PEBP4: variants seen among roughly 807,000 people sequenced by gnomAD.
PEBP4 encodes phosphatidylethanolamine-binding protein 4.
A neutral mutation model predicts 23.9 loss-of-function variants in PEBP4; 22 were observed. The ratio of observed to expected loss-of-function variants is 0.92; its 90% CI spans 0.66 to 1.31. PEBP4 has a LOEUF of 1.31. PEBP4 is among the 40% of genes most tolerant of loss of function. PEBP4 has a pLI of 0.00. For synonymous variants in PEBP4, 112 were observed against 99.3 expected (o/e 1.13, Z -0.76); for missense variants, 324 against 281.7 (o/e 1.15, Z -1.07).
chr8:22,830,147 T>TGTGTGTGTGTGTGTGTGTG (rs1393564112), intron 3 of PEBP4, among the ~76,000 whole-genome samples: 3 of 80,896 alleles, frequency 3.7e-5, no homozygotes, highest in African/African-American at 1.6e-4. Context: ...GTGTGTGTGT[T>TGTGTGTGTGTGTGTGTGTG]TTTACGGAGT....
intron 4 of PEBP4, among the ~76,000 whole-genome samples, chr8:22,764,952 G>C (rs1400243774): frequency 6.6e-6 from 1 of 152,062 alleles, no homozygotes; most frequent in African/African-American, 2.4e-5. Context: ...GAGAGGAGGG[G>C]ATGGACTTCC....
intron 4 of PEBP4, among the ~76,000 whole-genome samples, chr8:22,786,605 T>C (rs1331284899): frequency 6.6e-6 from 1 of 151,922 alleles, no homozygotes; most frequent in East Asian, 1.9e-4. Flanking sequence ...TGAAACCCTG[T>C]CTATTAGTGG....
At chr8:22,839,063 A>G (rs1807267592) in intron 3 of PEBP4, among the ~76,000 whole-genome samples, 1 of 152,222 alleles carries the variant, frequency 6.6e-6, no homozygotes, top group African/African-American at 2.4e-5. Context: ...AAAAAGTGTT[A>G]AAAAATAACA....
chr8:22,916,208 C>T (rs943445249), intron 3 of PEBP4, among the ~76,000 whole-genome samples: 1 of 152,230 alleles, frequency 6.6e-6, no homozygotes, highest in African/African-American at 2.4e-5. Context: ...TTCTGCACTT[C>T]AAAAGGATTC....
chr8:22,922,018 T>C (rs1809212729), intron 2 of PEBP4, among the ~76,000 whole-genome samples: 1 of 152,206 alleles, frequency 6.6e-6, no homozygotes, highest in African/African-American at 2.4e-5. Flanking sequence ...AGTGGAATTG[T>C]TGTAAATATC....
intron 1 of PEBP4, among the ~76,000 whole-genome samples, chr8:22,937,109 G>A (rs967683682): frequency 1.3e-5 from 2 of 152,118 alleles, no homozygotes; most frequent in Admixed American, 6.5e-5. Context: ...AATTATGCAA[G>A]AAAAGAAATA....
chr8:22,931,830 G>C (rs1177649956), upstream of PEBP4, among the ~76,000 whole-genome samples: 1 of 152,120 alleles, frequency 6.6e-6, no homozygotes, highest in Non-Finnish European at 1.5e-5. Context: ...TCTTTCATTT[G>C]ATTCTAAACT....
intron 4 of PEBP4, among the ~76,000 whole-genome samples, chr8:22,782,199 G>C (rs1437044280): frequency 6.6e-6 from 1 of 152,096 alleles, no homozygotes; most frequent in African/African-American, 2.4e-5. Context: ...AGACCAGATG[G>C]GCCCTAATAC....
intron 2 of PEBP4, chr8:22,924,676 T>C (rs999694685): frequency 2.0e-6 from 2 of 985,150 alleles, no homozygotes. Flanking sequence ...CTCCCATCCC[T>C]AGGGGAGCTT....
intron 4 of PEBP4, among the ~76,000 whole-genome samples, chr8:22,787,638 G>C (rs1295591690): frequency 2.0e-5 from 3 of 152,192 alleles, no homozygotes; most frequent in South Asian, 4.1e-4. Context: ...ACACTTGTTG[G>C]GGGTAAGGCC....
chr8:22,806,458 T>C (rs1806495832), intron 4 of PEBP4, among the ~76,000 whole-genome samples: 1 of 151,666 alleles, frequency 6.6e-6, no homozygotes, highest in Admixed American at 6.6e-5. Context: ...CTATAAAAAA[T>C]ACAAAAATTA....
rs1806629685 is a variant in PEBP4 at position 22,811,631 on chromosome 8, C to G, written c.357+6006G>C. Reference sequence around the variant, plus strand: ...TGTCACTTGCAGCCCAGCATCACACCTGGGCTGTGGCCTGGGACGGCTCCA... The same window carrying G: ...TGTCACTTGCAGCCCAGCATCACACGTGGGCTGTGGCCTGGGACGGCTCCA... On this transcript the variant is annotated intron_variant, in intron 4 of 6. Coordinates refer to ENST00000256404, the MANE Select transcript of PEBP4 (RefSeq NM_144962.3). 2.0e-5 allele frequency among the ~76,000 whole-genome samples: 3 copies of G among 152,224 alleles called. No homozygotes were observed. The South Asian group carries it at 6.2e-4, about 32-fold the overall frequency.
chr8:22,921,472 C>T (rs891530966), intron 2 of PEBP4, among the ~76,000 whole-genome samples: 1 of 152,228 alleles, frequency 6.6e-6, no homozygotes, highest in Non-Finnish European at 1.5e-5. Context: ...TGGGAGTAGG[C>T]CAAGAGCAGC....
chr8:22,926,756 AAAAC>A (rs1257249145), intron 2 of PEBP4, among the ~76,000 whole-genome samples: 10 of 152,384 alleles, frequency 6.6e-5, no homozygotes, highest in East Asian at 3.9e-4. Context: ...ATTAAAAAGA[AAAAC>A]AAACATTTTC....
At chr8:22,746,108 T>G (rs1805110188) in intron 4 of PEBP4, among the ~76,000 whole-genome samples, 1 of 140,988 alleles carries the variant, frequency 7.1e-6, no homozygotes, top group African/African-American at 2.6e-5. Flanking sequence ...TTCATATTAC[T>G]ATATTCAACT....
chr8:22,742,332 T>A (rs529439138), intron 4 of PEBP4, among the ~76,000 whole-genome samples: 12 of 152,358 alleles, frequency 7.9e-5, no homozygotes, highest in African/African-American at 2.9e-4. Flanking sequence ...TCAGCCTCGA[T>A]GGCCTGCACC....
chr8:22,813,355 T>C (rs1009239308), intron 4 of PEBP4, among the ~76,000 whole-genome samples: 2 of 152,218 alleles, frequency 1.3e-5, no homozygotes, highest in Admixed American at 6.5e-5. Flanking sequence ...GAAGATTTTC[T>C]TTTTTGGAAG....
chr8:22,734,389 G>C (rs1804807232), intron 4 of PEBP4, among the ~76,000 whole-genome samples: 3 of 152,252 alleles, frequency 2.0e-5, no homozygotes, highest in Non-Finnish European at 4.4e-5. Context: ...AGGAGGCGCA[G>C]ATCTGAGCCC....
At chr8:22,806,191 ATTAAAT>A (rs1483099647) in intron 4 of PEBP4, among the ~76,000 whole-genome samples, 3 of 152,192 alleles carry the variant, frequency 2.0e-5, no homozygotes, top group South Asian at 2.1e-4. Flanking sequence ...ATTAATACCT[ATTAAAT>A]TTAAATTTCT....
Sources: allele counts gnomAD v4.1 joint callset (sites outside exome capture counted in the v4.1 genomes callset), GRCh38; gene constraint gnomAD v4.1.1; transcripts MANE v1.5; gene names NCBI Gene and HGNC (gene_info 2026-07-23, HGNC 2026-07-21).